GMDS: variants seen among roughly 807,000 people sequenced by gnomAD.
GMDS encodes the protein GDP-mannose 4,6 dehydratase.
A neutral mutation model predicts 49.9 loss-of-function variants in GMDS; 20 were observed. The observed-to-expected ratio is 0.40, with a 90% CI of 0.28 to 0.58. The LOEUF is 0.58. Ranked by LOEUF, GMDS falls within the 20% of genes least tolerant of loss-of-function variation. The pLI, the probability that GMDS is intolerant of heterozygous loss-of-function variation, is 0.42. For missense variants in GMDS, 362 were observed against 481.4 expected (o/e 0.75, Z 2.32); for synonymous variants, 177 against 178.6 (o/e 0.99, Z 0.07).
intron 1 of GMDS, among the ~76,000 whole-genome samples, chr6:2,125,273 G>A (rs1179359737): frequency 7.4e-6 from 1 of 135,248 alleles, no homozygotes; most frequent in African/African-American, 3.9e-5. Flanking sequence ...CCTTAGCACT[G>A]TTAAAACAAA....
intron 6 of GMDS, among the ~76,000 whole-genome samples, chr6:1,933,219 C>G (rs935013455): frequency 7.2e-5 from 11 of 152,082 alleles, no homozygotes; most frequent in African/African-American, 2.7e-4. Context: ...TACATTGTTC[C>G]TTTTTTATGG....
chr6:1,677,713 G>A (rs945038688), intron 9 of GMDS, among the ~76,000 whole-genome samples: 10 of 148,890 alleles, frequency 6.7e-5, no homozygotes, highest in African/African-American at 1.2e-4. Flanking sequence ...ACCAAGCACC[G>A]CATGTTCTCA....
At chr6:2,102,784 T>A (rs1247840210) in intron 4 of GMDS, among the ~76,000 whole-genome samples, 4 of 152,218 alleles carry the variant, frequency 2.6e-5, no homozygotes, top group Non-Finnish European at 4.4e-5. Flanking sequence ...TCAATTATCT[T>A]ACACCCTGGT....
chr6:2,150,429 G>A (rs1481834829), intron 1 of GMDS, among the ~76,000 whole-genome samples: 1 of 152,112 alleles, frequency 6.6e-6, no homozygotes, highest in Non-Finnish European at 1.5e-5. Context: ...ATTTCACTAA[G>A]TGGAATGCCT....
At position 1,903,879 on chromosome 6, in the gene GMDS, C is replaced by G. The variant is rs543647960; in HGVS notation, c.771+26224G>C. On this transcript the variant is annotated intron_variant, in intron 7 of 10. Transcript: ENST00000380815. ...CTGGGGAGATGCAGCCACCAGGCAGCTTGCTACTCTCCTGAAGCACATCTG... is the reference window on the plus strand; with the variant it reads ...CTGGGGAGATGCAGCCACCAGGCAGGTTGCTACTCTCCTGAAGCACATCTG... 2.0e-5 allele frequency among the ~76,000 whole-genome samples: 3 copies of G among 152,292 alleles called. No individual in the cohort carries two copies. In the South Asian group the frequency reaches 6.2e-4, roughly 32 times the overall value.
At chr6:1,832,807 C>G (rs1028714) in intron 7 of GMDS, among the ~76,000 whole-genome samples, 39,462 of 152,142 alleles carry the variant, frequency 0.26, 5,237 homozygotes, top group African/African-American at 0.32. Flanking sequence ...TTTTCATTTT[C>G]TGTCTCGTAA....
chr6:1,793,694 C>G (rs535669913), intron 7 of GMDS, among the ~76,000 whole-genome samples: 1 of 152,212 alleles, frequency 6.6e-6, no homozygotes, highest in East Asian at 1.9e-4. Context: ...AGGAAAATTA[C>G]TACCCTTTTC....
intron 4 of GMDS, among the ~76,000 whole-genome samples, chr6:2,092,356 A>C (rs1346908255): frequency 6.6e-6 from 1 of 151,958 alleles, no homozygotes; most frequent in Non-Finnish European, 1.5e-5. Context: ...CCCTTTCTAC[A>C]ATTTTCCCTG....
chr6:1,732,366 G>A (rs966376612), intron 8 of GMDS, among the ~76,000 whole-genome samples: 4 of 152,236 alleles, frequency 2.6e-5, no homozygotes, highest in Non-Finnish European at 5.9e-5. Flanking sequence ...TAAAATACAT[G>A]TGGTTTACTG....
At chr6:1,665,859 G>A (rs1764219252) in intron 9 of GMDS, among the ~76,000 whole-genome samples, 1 of 152,208 alleles carries the variant, frequency 6.6e-6, no homozygotes, top group African/African-American at 2.4e-5. Flanking sequence ...AAGCTCTCCT[G>A]AGCTCAAATA....
At chr6:1,786,651 A>T (rs1371829517) in intron 7 of GMDS, among the ~76,000 whole-genome samples, 1 of 152,190 alleles carries the variant, frequency 6.6e-6, no homozygotes, top group Non-Finnish European at 1.5e-5. Flanking sequence ...GGCCTGAAAA[A>T]GTCTCTGGGC....
At chr6:2,138,401 C>T (rs558216440) in intron 1 of GMDS, among the ~76,000 whole-genome samples, 3 of 152,224 alleles carry the variant, frequency 2.0e-5, no homozygotes, top group Non-Finnish European at 4.4e-5. Context: ...ATCTCTCCAT[C>T]TTAAACTGGC....
At chr6:1,827,788 A>G (rs1391746875) in intron 7 of GMDS, among the ~76,000 whole-genome samples, 1 of 152,202 alleles carries the variant, frequency 6.6e-6, no homozygotes, top group African/African-American at 2.4e-5. Flanking sequence ...GACACACCCT[A>G]CAACAGTTAG....
rs3800047 is a variant in GMDS, at chr6:1,766,944, G to A, written c.772-24358C>T. On this transcript the variant is annotated intron_variant, in intron 7 of 10. Coordinates refer to ENST00000380815, the MANE Select transcript of GMDS (RefSeq NM_001500.4). The surrounding 1 kb of genome is among the most constrained non-coding windows in gnomAD (Gnocchi z 4.5). The stretch of plus-strand genomic sequence containing the variant: ...GGGTTCTTTATTTCCTGCTGAATCT[G>A]ACTTAAGTGTAAAATCGAGCAGGGA... Among the ~76,000 whole-genome samples the A allele has an allele frequency of 2.1e-4, 32 of 152,024 alleles. No homozygotes were observed. Among genetic ancestry groups the A allele is most frequent in the Admixed American group, 2.0e-3 (30 of 15,270 alleles).
chr6:1,717,489 A>T (rs1212106055), intron 9 of GMDS: 2 of 152,152 alleles, frequency 1.3e-5, no homozygotes, highest in Non-Finnish European at 2.9e-5. Context: ...AGCGCCTGTC[A>T]CACTCCCTTG....
intron 7 of GMDS, among the ~76,000 whole-genome samples, chr6:1,829,931 C>A (rs1581231986): frequency 1.3e-5 from 2 of 152,296 alleles, no homozygotes; most frequent in Middle Eastern, 3.4e-3. Flanking sequence ...AATTCAGAAT[C>A]CTTTTTCTGT....
At chr6:2,230,059 CTA>C (rs1561674896) in intron 1 of GMDS, among the ~76,000 whole-genome samples, 6,508 of 151,352 alleles carry the variant, frequency 0.043, 235 homozygotes, top group African/African-American at 0.095. Flanking sequence ...CTGAAGACCC[CTA>C]TCCAGAGTCC....
chr6:2,065,494 C>A (rs573229906), intron 4 of GMDS, among the ~76,000 whole-genome samples: 4 of 152,142 alleles, frequency 2.6e-5, no homozygotes, highest in African/African-American at 9.6e-5. Context: ...GACATTCAAA[C>A]CAAAGGCAAA....
At chr6:1,952,554 C>T (rs1412661429) in intron 6 of GMDS, among the ~76,000 whole-genome samples, 2 of 151,990 alleles carry the variant, frequency 1.3e-5, no homozygotes, top group Non-Finnish European at 2.9e-5. Context: ...ACAAAATAAA[C>T]CAGCTTTCTG....
Sources: gnomAD v4.1 joint callset for allele counts (sites outside exome capture counted in the v4.1 genomes callset) on GRCh38, gnomAD v4.1.1 for gene constraint, Gnocchi (gnomAD v3.1) non-coding constraint, MANE v1.5 for transcripts, NCBI Gene and HGNC (gene_info 2026-07-23, HGNC 2026-07-21) for gene names.